KICS2: variants seen among roughly 807,000 people sequenced by gnomAD.
KICS2 encodes the protein KICSTOR complex protein C12orf66.
In KICS2, 13 loss-of-function variants were observed where a neutral mutation model predicts 31.4. That is an observed-to-expected ratio of 0.41 (90% confidence interval 0.27 to 0.66). The LOEUF is 0.66. KICS2 is among the 30% of genes least tolerant of loss of function. The pLI is 0.28. For missense variants in KICS2, 455 were observed against 545.4 expected, an observed-to-expected ratio of 0.83 and a Z score of 1.65; for synonymous variants, 209 against 214.8, an observed-to-expected ratio of 0.97 and a Z score of 0.24.
chr12:64,188,945 G>C (rs978615267), downstream of KICS2, among the ~76,000 whole-genome samples: 1 of 152,120 alleles, frequency 6.6e-6, no homozygotes, highest in Non-Finnish European at 1.5e-5. Flanking sequence ...ATGAGGTCAA[G>C]AGATGGAGAC....
chr12:64,213,315 T>C (rs1565719578), intron 2 of KICS2, among the ~76,000 whole-genome samples: 3 of 152,172 alleles, frequency 2.0e-5, no homozygotes, highest in Admixed American at 6.5e-5. Context: ...CTGGACTAGA[T>C]AAAAAACATC....
intron 2 of KICS2, among the ~76,000 whole-genome samples, chr12:64,208,105 G>A (rs1220381394): frequency 2.6e-5 from 4 of 152,124 alleles, no homozygotes; most frequent in East Asian, 3.8e-4. Flanking sequence ...CACCTCCCGG[G>A]CTCAGGTGAT....
At chr12:64,212,899 G>A (rs541206983) in intron 2 of KICS2, among the ~76,000 whole-genome samples, 1 of 152,094 alleles carries the variant, frequency 6.6e-6, no homozygotes, top group South Asian at 2.1e-4. Context: ...AGACCAGCCT[G>A]GGCAACATGG....
At chr12:64,204,128 T>C (rs2037515912) in intron 2 of KICS2, among the ~76,000 whole-genome samples, 1 of 152,246 alleles carries the variant, frequency 6.6e-6, no homozygotes, top group South Asian at 2.1e-4. Flanking sequence ...ACACTGCATG[T>C]TCTCACTTAT....
At chr12:64,215,617 T>G in intron 2 of KICS2, 61 bp downstream of exon 2, 1 of 1,425,466 alleles carries the variant, frequency 7.0e-7, no homozygotes, top group Non-Finnish European at 9.5e-7. Flanking sequence ...AGAAAAACTC[T>G]GAGCTTGTGT....
In KICS2 at chr12:64,215,669, C is replaced by T. The variant is rs758065288; in HGVS notation, c.521+9G>A. The T allele has an allele frequency of 1.2e-6, 2 of 1,608,320 alleles. No individual in the cohort carries two copies. Among genetic ancestry groups the T allele is most frequent in the Non-Finnish European group, 1.7e-6 (2 of 1,176,962 alleles). On this transcript the variant is annotated intron_variant, in intron 2 of 2. Coordinates refer to ENST00000398055, the MANE Select transcript of KICS2 (RefSeq NM_152440.5). The stretch of plus-strand genomic sequence containing the variant: ...CCACGCTTTCTCCCTCCCTCCTCCC[C>T]ACACTGACCTGGAGCTGTATTTTTT...
At chr12:64,221,921 G>A in intron 1 of KICS2, 82 bp downstream of exon 1, 3 of 1,417,972 alleles carry the variant, frequency 2.1e-6, no homozygotes, top group Admixed American at 2.3e-5. Context: ...ACACAGAGAC[G>A]GGAAACCCAA....
At chr12:64,210,733 C>T (rs140120584) in intron 2 of KICS2, among the ~76,000 whole-genome samples, 7 of 152,252 alleles carry the variant, frequency 4.6e-5, no homozygotes, top group African/African-American at 1.7e-4. Context: ...GCCGAGAGAG[C>T]GCCACTGAAC....
chr12:64,218,244 A>T (rs2037648214), intron 1 of KICS2, among the ~76,000 whole-genome samples: 1 of 152,232 alleles, frequency 6.6e-6, no homozygotes, highest in African/African-American at 2.4e-5. Flanking sequence ...CTGTGCCCAC[A>T]TCTAGGATAA....
At position 64,222,017 on chromosome 12, in the gene KICS2, A is replaced by T; in HGVS notation, c.221T>A (p.Leu74Gln). The change falls in exon 1 of 3, where the codon CTG becomes CAG. Residue 74 changes from leucine to glutamine, a missense_variant. Transcript: ENST00000398055. ...AEKVYHSLTYLGQKLGGQSFF... is the reference protein window; with the variant it reads ...AEKVYHSLTYQGQKLGGQSFF... Reference sequence around the variant, plus strand: ...GGCGGAGGTACCTAGTTTCTGCCCCAGGTAGGTGAGGCTGTGATAGACCTT... The same window carrying T: ...GGCGGAGGTACCTAGTTTCTGCCCCTGGTAGGTGAGGCTGTGATAGACCTT... 1.2e-6 allele frequency: 2 copies of T among 1,613,530 alleles called. No individual in the cohort carries two copies. The highest frequency in any genetic ancestry group is 1.7e-6 in the Non-Finnish European group (2 of 1,179,808).
chr12:64,212,245 G>A (rs980469922), intron 2 of KICS2, among the ~76,000 whole-genome samples: 2 of 152,024 alleles, frequency 1.3e-5, no homozygotes, highest in African/African-American at 2.4e-5. Context: ...CCATCACCAC[G>A]ATCAATTTTA....
intron 2 of KICS2, among the ~76,000 whole-genome samples, chr12:64,211,974 CA>C (rs970448584): frequency 2.0e-5 from 3 of 152,008 alleles, no homozygotes; most frequent in African/African-American, 7.2e-5. Context: ...TCTTAGAAGA[CA>C]AAATCTGAGT....
At chr12:64,221,868 G>A in intron 1 of KICS2, 135 bp downstream of exon 1, 1 of 983,690 alleles carries the variant, frequency 1.0e-6, no homozygotes, top group Admixed American at 2.7e-5. Flanking sequence ...GGAACGGTGG[G>A]AGGAGATCTG....
Position 64,192,891 on chromosome 12 carries a change from T to C in KICS2, c.*951A>G. 3.0e-6 allele frequency: 3 copies of C among 985,470 alleles called. No individual in the cohort carries two copies. Among genetic ancestry groups the C allele is most frequent in the Non-Finnish European group, 3.6e-6 (3 of 829,940 alleles). The allele number at this position is 985,470 out of a possible 1,614,324, so 61.0% of individuals were successfully genotyped here. On this transcript the variant is annotated 3_prime_UTR_variant, in exon 3 of 3. Coordinates refer to ENST00000398055, the MANE Select transcript of KICS2 (RefSeq NM_152440.5). The stretch of plus-strand genomic sequence containing the variant: ...TGAAGAGGTCTTTCAAGCGCACAGT[T>C]GATTTTTAGCAAGTACAGCGTATGA...
At chr12:64,209,626 T>C (rs1425343004) in intron 2 of KICS2, among the ~76,000 whole-genome samples, 1 of 152,172 alleles carries the variant, frequency 6.6e-6, no homozygotes. Flanking sequence ...AAAGGAAGCC[T>C]TTTTTAACAC....
At chr12:64,216,256 C>A (rs1402146778) in intron 1 of KICS2, among the ~76,000 whole-genome samples, 1 of 151,126 alleles carries the variant, frequency 6.6e-6, no homozygotes, top group Non-Finnish European at 1.5e-5. Flanking sequence ...GACCTGTGTA[C>A]AATTTGCTTA....
chr12:64,221,214 T>C (rs543924909), intron 1 of KICS2, among the ~76,000 whole-genome samples: 154 of 152,292 alleles, frequency 1.0e-3, no homozygotes, highest in African/African-American at 3.3e-3. Context: ...CTTCTGAAAA[T>C]TGAAGAGTCT....
At chr12:64,196,171 C>T (rs1444540510) in intron 2 of KICS2, among the ~76,000 whole-genome samples, 1 of 152,006 alleles carries the variant, frequency 6.6e-6, no homozygotes, top group Non-Finnish European at 1.5e-5. Flanking sequence ...AAAAAGACAG[C>T]AGTAACCTCT....
rs757282208 is a variant in KICS2 at position 64,194,624 on chromosome 12, T to G, written c.556A>C (p.Ser186Arg). 1.2e-6 allele frequency: 2 copies of G among 1,613,968 alleles called. No individual in the cohort carries two copies. Among genetic ancestry groups the G allele is most frequent in the South Asian group, 2.2e-5 (2 of 91,064 alleles). Residue 186 changes from serine to arginine, a missense_variant, in exon 3 of 3, where the codon AGT (serine) becomes CGT (arginine). Physicochemically the swap from Ser to Arg is moderately radical, Grantham distance 110. Coordinates refer to ENST00000398055, the MANE Select transcript of KICS2 (RefSeq NM_152440.5). ...AGGACGTCAACTTCCAGCTGGAAACTGCTTTCCAAAGGACTGAGGATTGGG... is the reference window on the plus strand; with the variant it reads ...AGGACGTCAACTTCCAGCTGGAAACGGCTTTCCAAAGGACTGAGGATTGGG... ...HHPILSPLES[S>R]FQLEVDVLCH...
Sources: allele counts gnomAD v4.1 joint callset (sites outside exome capture counted in the v4.1 genomes callset), GRCh38; gene constraint gnomAD v4.1.1; transcripts MANE v1.5; gene names NCBI Gene and HGNC (gene_info 2026-07-23, HGNC 2026-07-21).